GLCE: variants seen among roughly 807,000 people sequenced by gnomAD.
The protein encoded by GLCE is D-glucuronyl C5-epimerase.
GLCE carries 19 observed loss-of-function variants against 47.9 expected under a neutral mutation model. The observed-to-expected ratio is 0.40, with a 90% CI of 0.28 to 0.58. GLCE has a LOEUF of 0.58. Ranked by LOEUF, GLCE falls within the 20% of genes least tolerant of loss-of-function variation. The pLI is 0.48. For synonymous variants in GLCE, 245 were observed against 263.4 expected, an observed-to-expected ratio of 0.93 and a Z score of 0.68; for missense variants, 556 against 743.3, an observed-to-expected ratio of 0.75 and a Z score of 2.93.
intron 1 of GLCE, among the ~76,000 whole-genome samples, chr15:69,189,125 C>A (rs1456893703): frequency 1.3e-5 from 2 of 152,108 alleles, no homozygotes; most frequent in African/African-American, 4.8e-5. Flanking sequence ...CATATATCTA[C>A]CATTATCATA....
At chr15:69,199,591 G>A (rs965753862) in intron 1 of GLCE, among the ~76,000 whole-genome samples, 2 of 152,144 alleles carry the variant, frequency 1.3e-5, no homozygotes, top group Non-Finnish European at 2.9e-5. Context: ...TTAGATATTA[G>A]AAATAACTTG....
rs1429548943 is a variant in GLCE, at chr15:69,268,089, G to A, written c.830-131G>A. ...TTTAATAAAAAATAAAATTACAAAT[G>A]ATCTGATACTAAAAATATGTAAGTG... is the stretch of plus-strand genomic sequence containing the variant. On this transcript the variant is annotated intron_variant, in intron 4 of 4. Coordinates refer to ENST00000261858, the MANE Select transcript of GLCE (RefSeq NM_015554.3). 1.7e-5 allele frequency: 10 copies of A among 590,202 alleles called. No homozygotes were observed. In the African/African-American group the frequency reaches 1.9e-4, roughly 11 times the overall value. 36.6% of individuals were successfully genotyped at this position (590,202 alleles called of 1,614,324 possible).
chr15:69,184,412 A>G (rs1360592860), intron 1 of GLCE, among the ~76,000 whole-genome samples: 1 of 152,244 alleles, frequency 6.6e-6, no homozygotes, highest in African/African-American at 2.4e-5. Context: ...TCTCTTTCCC[A>G]AAGTATTTCT....
chr15:69,232,874 T>C (rs2052544355), intron 2 of GLCE, among the ~76,000 whole-genome samples: 1 of 152,174 alleles, frequency 6.6e-6, no homozygotes, highest in Non-Finnish European at 1.5e-5. Flanking sequence ...CATTTATCCT[T>C]GAGAGTAAGC....
At chr15:69,244,116 A>G (rs1377092957) in intron 2 of GLCE, among the ~76,000 whole-genome samples, 1 of 152,222 alleles carries the variant, frequency 6.6e-6, no homozygotes, top group East Asian at 1.9e-4. Context: ...CATAATAATT[A>G]TGACAGAAAT....
intron 1 of GLCE, among the ~76,000 whole-genome samples, chr15:69,175,955 A>G (rs186031024): frequency 1.3e-5 from 2 of 152,322 alleles, no homozygotes; most frequent in East Asian, 1.9e-4. Flanking sequence ...AAAACATCAA[A>G]TCACAAATAG....
chr15:69,269,831 C>T lies in GLCE; in HGVS notation c.*587C>T, dbSNP rs2053141725. 1 of 152,518 alleles carries T rather than the reference C, an allele frequency of 6.6e-6. No individual in the cohort carries two copies. The highest frequency in any genetic ancestry group is 2.4e-5 in the African/African-American group (1 of 41,418). The allele number at this position is 152,518 out of a possible 1,614,324, so 9.4% of individuals were successfully genotyped here. A position where few individuals can be genotyped will look rare whatever the true frequency, so the allele number is the denominator to read the frequency against. On this transcript the variant is annotated 3_prime_UTR_variant, in exon 5 of 5. Transcript: ENST00000261858. ...ATGGTGAATATTTAATTATGGTTTT[C>T]TTGAAACGTGTAAATTAAAAACACA...
chr15:69,263,424 G>C (rs1473844539), intron 4 of GLCE, among the ~76,000 whole-genome samples: 1 of 151,780 alleles, frequency 6.6e-6, no homozygotes, highest in Admixed American at 6.6e-5. Flanking sequence ...GAATGCTGTT[G>C]GTCTTTTTTT....
chr15:69,266,814 C>A, intron 4 of GLCE: 1 of 445,038 alleles, frequency 2.2e-6, no homozygotes, highest in Non-Finnish European at 3.0e-6. Flanking sequence ...CTAGTCCCTG[C>A]TCTACAACTA....
intron 1 of GLCE, among the ~76,000 whole-genome samples, chr15:69,184,509 A>G (rs2051795333): frequency 6.6e-6 from 1 of 152,244 alleles, no homozygotes; most frequent in Non-Finnish European, 1.5e-5. Context: ...TAGAAATCCA[A>G]GAGACCATGT....
chr15:69,200,862 A>G (rs749571009), intron 1 of GLCE, among the ~76,000 whole-genome samples: 2 of 152,128 alleles, frequency 1.3e-5, no homozygotes, highest in Admixed American at 6.5e-5. Flanking sequence ...CAGCATGGCC[A>G]TGTTCCTTTC....
chr15:69,169,498 C>A (rs2051555836), intron 1 of GLCE, among the ~76,000 whole-genome samples: 1 of 151,908 alleles, frequency 6.6e-6, no homozygotes, highest in Non-Finnish European at 1.5e-5. Flanking sequence ...GTGTGCTGCA[C>A]CTGCAACTCG....
At chr15:69,252,166 A>G (rs2052853709) in intron 2 of GLCE, among the ~76,000 whole-genome samples, 1 of 151,852 alleles carries the variant, frequency 6.6e-6, no homozygotes, top group Non-Finnish European at 1.5e-5. Context: ...ATTTTTCTTT[A>G]TTTTCCCATC....
At chr15:69,166,468 AT>A (rs2140323795) in intron 1 of GLCE, among the ~76,000 whole-genome samples, 2 of 152,338 alleles carry the variant, frequency 1.3e-5, no homozygotes, top group African/African-American at 4.8e-5. Flanking sequence ...ACAATTTGAG[AT>A]TGATTGGACT....
intron 1 of GLCE, among the ~76,000 whole-genome samples, chr15:69,177,385 A>G (rs1364598203): frequency 6.6e-6 from 1 of 152,120 alleles, no homozygotes; most frequent in Non-Finnish European, 1.5e-5. Flanking sequence ...TTTATGATGA[A>G]TATAAAAGAA....
At chr15:69,167,558 G>C (rs1229742280) in intron 1 of GLCE, among the ~76,000 whole-genome samples, 1 of 152,198 alleles carries the variant, frequency 6.6e-6, no homozygotes, top group Non-Finnish European at 1.5e-5. Flanking sequence ...CCAACCATGG[G>C]CCAACTAATA....
At chr15:69,198,839 A>G (rs1326503581) in intron 1 of GLCE, among the ~76,000 whole-genome samples, 2 of 152,076 alleles carry the variant, frequency 1.3e-5, no homozygotes, top group Non-Finnish European at 2.9e-5. Context: ...ACAGGCGTGA[A>G]CCACCATGCT....
At chr15:69,252,512 A>G (rs1040247705) in intron 2 of GLCE, among the ~76,000 whole-genome samples, 3 of 152,206 alleles carry the variant, frequency 2.0e-5, no homozygotes, top group African/African-American at 7.2e-5. Context: ...ATGCACCCCC[A>G]TGATCCAAAC....
chr15:69,225,430 G>T (rs2052433412), intron 2 of GLCE, among the ~76,000 whole-genome samples: 1 of 152,100 alleles, frequency 6.6e-6, no homozygotes, highest in African/African-American at 2.4e-5. Flanking sequence ...TAAATAATTT[G>T]TTAATAATTA....
Sources: allele counts gnomAD v4.1 joint callset (sites outside exome capture counted in the v4.1 genomes callset), GRCh38; gene constraint gnomAD v4.1.1; transcripts MANE v1.5; gene names NCBI Gene and HGNC (gene_info 2026-07-23, HGNC 2026-07-21).